Variants in RRAS2 observed in about 807,000 individuals in gnomAD.
The protein encoded by RRAS2 is RAS related 2, also known as ras-related protein R-Ras2.
In RRAS2, 7 loss-of-function variants were observed where a neutral mutation model predicts 27.6. The ratio of observed to expected loss-of-function variants is 0.25; its 90% CI spans 0.14 to 0.48. RRAS2 has a LOEUF of 0.48. Among genes scored for constraint, RRAS2 ranks in the 20% least tolerant of loss-of-function variants. RRAS2 has a pLI of 0.99. For missense variants in RRAS2, 178 were observed against 256.2 expected, an observed-to-expected ratio of 0.69 and a Z score of 2.08; for synonymous variants, 86 against 90.9, an observed-to-expected ratio of 0.95 and a Z score of 0.31.
intron 1 of RRAS2, among the ~76,000 whole-genome samples, chr11:14,353,274 T>C (rs1159735694): frequency 6.6e-6 from 1 of 152,166 alleles, no homozygotes. Context: ...AGCAGTAGCC[T>C]GTTATCTACC....
chr11:14,303,226 T>A (rs1046822348), intron 1 of RRAS2, among the ~76,000 whole-genome samples: 1 of 152,226 alleles, frequency 6.6e-6, no homozygotes, highest in Non-Finnish European at 1.5e-5. Context: ...AAGCTTAATG[T>A]ATACTATATA....
intron 1 of RRAS2, among the ~76,000 whole-genome samples, chr11:14,306,460 C>A (rs889951748): frequency 6.6e-6 from 1 of 152,128 alleles, no homozygotes; most frequent in Non-Finnish European, 1.5e-5. Flanking sequence ...CATCACTGTG[C>A]CCAGATGATT....
intron 1 of RRAS2, among the ~76,000 whole-genome samples, chr11:14,325,322 T>G (rs1848328558): frequency 6.6e-6 from 1 of 150,872 alleles, no homozygotes; most frequent in Admixed American, 6.6e-5. Flanking sequence ...TTTTTTTTTT[T>G]TTTTTTTGAG....
chr11:14,359,035 G>A lies in RRAS2; in HGVS notation c.-165C>T, dbSNP rs1554955896. 8.9e-7 allele frequency: 1 copy of A among 1,122,804 alleles called. No individual in the cohort carries two copies. Among genetic ancestry groups the A allele is most frequent in the Non-Finnish European group, 1.1e-6 (1 of 918,870 alleles). 69.6% of individuals were successfully genotyped at this position (1,122,804 alleles called of 1,614,324 possible). ...GGGCCGGTCAGCGCGGTAGCGCGGC[G>A]CTGGGGACTGGCTGGGTACCGCCCG... On this transcript the variant is annotated 5_prime_UTR_variant, in exon 1 of 6. Coordinates refer to ENST00000256196, the MANE Select transcript of RRAS2 (RefSeq NM_012250.6).
intron 1 of RRAS2, among the ~76,000 whole-genome samples, chr11:14,319,905 G>A (rs1169783940): frequency 1.3e-5 from 2 of 152,108 alleles, no homozygotes; most frequent in African/African-American, 2.4e-5. Context: ...TGATGGACTC[G>A]AAAAACATAT....
At chr11:14,360,644 G>C (rs559853297), upstream of RRAS2, among the ~76,000 whole-genome samples, 54 of 152,254 alleles carry the variant, frequency 3.5e-4, no homozygotes, top group African/African-American at 1.3e-3. Flanking sequence ...TGGGATGGCT[G>C]GGCGCAATGG....
At chr11:14,343,833 C>G (rs1214170250) in intron 1 of RRAS2, among the ~76,000 whole-genome samples, 1 of 151,312 alleles carries the variant, frequency 6.6e-6, no homozygotes, top group Non-Finnish European at 1.5e-5. Context: ...GACCCTGTCT[C>G]AAAAATAAAT....
At chr11:14,319,355 T>TTTC (rs1848177828) in intron 1 of RRAS2, among the ~76,000 whole-genome samples, 1 of 139,782 alleles carries the variant, frequency 7.2e-6, no homozygotes. Context: ...CTTTTTTTTT[T>TTTC]TTTTTTTTTT....
chr11:14,340,832 TC>T (rs1389450205), intron 1 of RRAS2, among the ~76,000 whole-genome samples: 4 of 152,158 alleles, frequency 2.6e-5, no homozygotes, highest in African/African-American at 9.7e-5. Flanking sequence ...CCTACCCATT[TC>T]CTCTTGAACA....
In RRAS2 at chr11:14,281,785, G is replaced by A. The variant is rs1264151701; in HGVS notation, c.409-65C>T. On this transcript the variant is annotated intron_variant, in intron 4 of 5. Coordinates refer to ENST00000256196, the MANE Select transcript of RRAS2 (RefSeq NM_012250.6). ...AACTGGATTTGTTCCATCTAATCCTGGCCACAGATTGTGCTAATAATTCAG... is the reference window on the plus strand; with the variant it reads ...AACTGGATTTGTTCCATCTAATCCTAGCCACAGATTGTGCTAATAATTCAG... 4.4e-6 allele frequency: 6 copies of A among 1,356,608 alleles called. No homozygotes were observed. In the East Asian group the frequency reaches 1.2e-4, roughly 28 times the overall value. 84.0% of individuals were successfully genotyped at this position (1,356,608 alleles called of 1,614,324 possible). A position where few individuals can be genotyped will look rare whatever the true frequency, so the allele number is the denominator to read the frequency against.
chr11:14,321,258 C>A (rs1288388651), intron 1 of RRAS2, among the ~76,000 whole-genome samples: 1 of 152,164 alleles, frequency 6.6e-6, no homozygotes, highest in African/African-American at 2.4e-5. Context: ...TACCATTCCT[C>A]CTTCCCCTAA....
intron 1 of RRAS2, among the ~76,000 whole-genome samples, chr11:14,351,101 A>C (rs1375422430): frequency 6.6e-6 from 1 of 152,200 alleles, no homozygotes; most frequent in Admixed American, 6.5e-5. Flanking sequence ...ATGTTGCCTA[A>C]TAACACATAA....
intron 1 of RRAS2, among the ~76,000 whole-genome samples, chr11:14,350,908 G>T (rs781962088): frequency 6.6e-6 from 1 of 152,042 alleles, no homozygotes; most frequent in Non-Finnish European, 1.5e-5. Flanking sequence ...CTTTTTCACA[G>T]GTGCATAATG....
At chr11:14,303,109 C>T (rs1249113465) in intron 1 of RRAS2, among the ~76,000 whole-genome samples, 1 of 152,192 alleles carries the variant, frequency 6.6e-6, no homozygotes, top group Non-Finnish European at 1.5e-5. Context: ...ACACTCCAAC[C>T]AGAAAACAAT....
At chr11:14,313,436 G>A (rs1432626627) in intron 1 of RRAS2, among the ~76,000 whole-genome samples, 1 of 152,204 alleles carries the variant, frequency 6.6e-6, no homozygotes, top group East Asian at 1.9e-4. Flanking sequence ...GCAAATGCAG[G>A]AAGAGGCTTG....
chr11:14,328,094 G>A (rs531292423), intron 1 of RRAS2, among the ~76,000 whole-genome samples: 7 of 152,258 alleles, frequency 4.6e-5, no homozygotes, highest in South Asian at 2.1e-4. Context: ...ATGGCCAGGC[G>A]CGGTGGCTCA....
intron 1 of RRAS2, among the ~76,000 whole-genome samples, chr11:14,320,231 T>C (rs370637151): frequency 1.6e-4 from 25 of 152,234 alleles, no homozygotes; most frequent in African/African-American, 5.5e-4. Flanking sequence ...CAGAAAGCAA[T>C]TGAGTGAAAC....
chr11:14,306,860 T>C (rs2133978137), intron 1 of RRAS2, among the ~76,000 whole-genome samples: 1 of 149,946 alleles, frequency 6.7e-6, no homozygotes, highest in South Asian at 2.1e-4. Flanking sequence ...TGACACTGAT[T>C]GTAAGACCAT....
chr11:14,364,301 C>T (rs1591498224), intron 1 of RRAS2: 1 of 1,277,238 alleles, frequency 7.8e-7, no homozygotes, highest in East Asian at 2.5e-5. Context: ...ATCAAGATTC[C>T]TCTAACCTCA....
Sources: gnomAD v4.1 joint callset for allele counts (sites outside exome capture counted in the v4.1 genomes callset) on GRCh38, gnomAD v4.1.1 for gene constraint, MANE v1.5 for transcripts, NCBI Gene and HGNC (gene_info 2026-07-23, HGNC 2026-07-21) for gene names.